TBCA: variants seen among roughly 807,000 people sequenced by gnomAD.
TBCA encodes the protein tubulin-specific chaperone A.
Under a neutral mutation model 15.8 loss-of-function variants are expected in TBCA, and 6 were observed. The observed-to-expected ratio is 0.38, with a 90% confidence interval of 0.21 to 0.75. The LOEUF is 0.75. TBCA is among the 30% of genes least tolerant of loss of function. TBCA has a pLI of 0.46. For missense variants in TBCA, 90 were observed against 131.2 expected (o/e 0.69, Z 1.53); for synonymous variants, 32 against 42.3 (o/e 0.76, Z 0.94).
In TBCA at chr5:77,693,249, C is replaced by G; in HGVS notation, c.246+17G>C. Reference sequence around the variant, plus strand: ...TGAAAAAAAAAATTTAAACATGACACAGAAGTCTTTGCTTACTAGTATCCG... The same window carrying G: ...TGAAAAAAAAAATTTAAACATGACAGAGAAGTCTTTGCTTACTAGTATCCG... On this transcript the variant is annotated intron_variant, in intron 3 of 3. Transcript: ENST00000380377. 1 of 1,613,122 alleles carries G rather than the reference C, an allele frequency of 6.2e-7. No homozygotes were observed. Among genetic ancestry groups the G allele is most frequent in the East Asian group, 2.2e-5 (1 of 44,830 alleles).
At chr5:77,721,546 T>C (rs1746528838) in intron 1 of TBCA, among the ~76,000 whole-genome samples, 1 of 152,160 alleles carries the variant, frequency 6.6e-6, no homozygotes, top group South Asian at 2.1e-4. Flanking sequence ...TCTGATGGTA[T>C]ACGTATACAC....
intron 1 of TBCA, among the ~76,000 whole-genome samples, chr5:77,735,312 T>G (rs941211997): frequency 2.6e-5 from 4 of 152,198 alleles, no homozygotes; most frequent in Non-Finnish European, 4.4e-5. Context: ...GAAAATCTAC[T>G]CTACTTTCCC....
At chr5:77,745,195 C>G (rs1747158658) in intron 1 of TBCA, among the ~76,000 whole-genome samples, 2 of 152,194 alleles carry the variant, frequency 1.3e-5, no homozygotes, top group South Asian at 4.1e-4. Context: ...GGGCACAAGG[C>G]AGAGAAGGGA....
chr5:77,728,387 A>C (rs1357205226), intron 1 of TBCA, among the ~76,000 whole-genome samples: 1 of 152,186 alleles, frequency 6.6e-6, no homozygotes, highest in Non-Finnish European at 1.5e-5. Flanking sequence ...TGATTCTATA[A>C]ATTTGGTTTC....
Position 77,752,531 on chromosome 5 carries a change from T to TTTTTGTTTTG in TBCA, c.53+23664_53+23673dup, listed in dbSNP as rs147708459. Reference sequence around the variant, plus strand: ...GGCACATGCCACCATGTCCGGCTTATTTTTGTTTTGTTTTGTTTTGTTTTG... The same window carrying TTTTTGTTTTG: ...GGCACATGCCACCATGTCCGGCTTATTTTTGTTTTGTTTTGTTTTGTTTTGTTTTGTTTTG... On this transcript the variant is annotated intron_variant, in intron 1 of 3. Transcript: ENST00000380377. 2.6e-5 allele frequency among the ~76,000 whole-genome samples: 3 copies of TTTTTGTTTTG among 117,178 alleles called. 1 individual carries two copies. Among genetic ancestry groups the TTTTTGTTTTG allele is most frequent in the African/African-American group, 9.2e-5 (3 of 32,544 alleles). The allele number at this position is 117,178 out of a possible 152,430, so 76.9% of individuals were successfully genotyped here.
At chr5:77,709,615 A>G (rs894299603) in intron 1 of TBCA, among the ~76,000 whole-genome samples, 1 of 152,190 alleles carries the variant, frequency 6.6e-6, no homozygotes, top group African/African-American at 2.4e-5. Context: ...TAGCTTTAGG[A>G]AAGTTTAACT....
chr5:77,772,177 AGAG>A (rs1179113190), intron 1 of TBCA, among the ~76,000 whole-genome samples: 5 of 152,014 alleles, frequency 3.3e-5, no homozygotes, highest in African/African-American at 1.2e-4. Flanking sequence ...AAATTTGGAG[AGAG>A]GAGGAAAAAA....
At position 77,731,801 on chromosome 5, in the gene TBCA, GA is replaced by G. The variant is rs1183586224; in HGVS notation, c.54-23455del. ...CTTTATGGCATCCAGGTTTTACATA[GA>G]TAAGGACTTTCCAAAAAATAAAATA... is the stretch of plus-strand genomic sequence containing the variant. On this transcript the variant is annotated intron_variant, in intron 1 of 3. Coordinates refer to ENST00000380377, the MANE Select transcript of TBCA (RefSeq NM_004607.3). 1.8e-4 allele frequency among the ~76,000 whole-genome samples: 27 copies of G among 152,070 alleles called. No homozygotes were observed. In the East Asian group the frequency reaches 4.6e-3, roughly 26 times the overall value.
chr5:77,713,299 AT>A (rs1334498553), intron 1 of TBCA, among the ~76,000 whole-genome samples: 1 of 152,156 alleles, frequency 6.6e-6, no homozygotes, highest in African/African-American at 2.4e-5. Context: ...GTCTCAAAAA[AT>A]ATATAATAAT....
chr5:77,693,091 A>G, intron 3 of TBCA, 175 bp downstream of exon 3: 8 of 1,466,964 alleles, frequency 5.5e-6, no homozygotes, highest in South Asian at 1.4e-5. Context: ...TACTGGAGGC[A>G]TAATTCAAAA....
At chr5:77,713,944 G>T (rs1239387722) in intron 1 of TBCA, among the ~76,000 whole-genome samples, 1 of 143,558 alleles carries the variant, frequency 7.0e-6, no homozygotes, top group African/African-American at 2.6e-5. Context: ...AGCTGGAAAA[G>T]AAAAGCAATC....
At chr5:77,714,808 C>T (rs574177924) in intron 1 of TBCA, among the ~76,000 whole-genome samples, 21 of 152,056 alleles carry the variant, frequency 1.4e-4, no homozygotes, top group East Asian at 7.7e-4. Flanking sequence ...CCTTGTGATC[C>T]GCCCACCTCG....
chr5:77,721,501 TAA>T (rs978380219), intron 1 of TBCA, among the ~76,000 whole-genome samples: 3 of 151,658 alleles, frequency 2.0e-5, no homozygotes, highest in Non-Finnish European at 4.4e-5. Flanking sequence ...CAGAAAAACT[TAA>T]GAGTTACAAA....
At chr5:77,758,025 C>T (rs895804032) in intron 1 of TBCA, among the ~76,000 whole-genome samples, 1 of 152,084 alleles carries the variant, frequency 6.6e-6, no homozygotes, top group African/African-American at 2.4e-5. Flanking sequence ...AGTTTCAGAT[C>T]AGGAGCAGAA....
intron 1 of TBCA, among the ~76,000 whole-genome samples, chr5:77,716,770 T>C (rs1027839492): frequency 6.6e-6 from 1 of 152,212 alleles, no homozygotes; most frequent in African/African-American, 2.4e-5. Flanking sequence ...CAGCAGGCAT[T>C]GTTAGGTGCC....
intron 1 of TBCA, among the ~76,000 whole-genome samples, chr5:77,773,635 C>T (rs1747959217): frequency 6.6e-6 from 1 of 152,214 alleles, no homozygotes; most frequent in South Asian, 2.1e-4. Flanking sequence ...AACTCCTACT[C>T]ACATGGTCTC....
At chr5:77,714,858 A>G (rs1237767352) in intron 1 of TBCA, among the ~76,000 whole-genome samples, 2 of 152,090 alleles carry the variant, frequency 1.3e-5, no homozygotes, top group African/African-American at 2.4e-5. Flanking sequence ...GAGCCACTGC[A>G]CCCGGCCAAC....
At chr5:77,748,615 A>G (rs1323634788) in intron 1 of TBCA, among the ~76,000 whole-genome samples, 1 of 152,058 alleles carries the variant, frequency 6.6e-6, no homozygotes, top group Non-Finnish European at 1.5e-5. Flanking sequence ...GTACTTTCCT[A>G]AAAAAGCTAA....
At chr5:77,770,245 C>G (rs1197277488) in intron 1 of TBCA, among the ~76,000 whole-genome samples, 1 of 152,134 alleles carries the variant, frequency 6.6e-6, no homozygotes, top group African/African-American at 2.4e-5. Flanking sequence ...TGCATTTTCT[C>G]CTACTTTAGT....
Sources: gnomAD v4.1 joint callset for allele counts (sites outside exome capture counted in the v4.1 genomes callset) on GRCh38, gnomAD v4.1.1 for gene constraint, MANE v1.5 for transcripts, NCBI Gene and HGNC (gene_info 2026-07-23, HGNC 2026-07-21) for gene names.